The following PRR5 variants were observed in gnomAD, a reference collection of about 807,000 sequenced individuals.
PRR5 encodes the protein proline rich 5.
PRR5 carries 25 observed loss-of-function variants against 30.6 expected under a neutral mutation model. That is an observed-to-expected ratio of 0.82 (90% confidence interval 0.60 to 1.14). The LOEUF is 1.14. Among genes scored for constraint, PRR5 ranks in the 50% most tolerant of loss-of-function variants. The probability of loss-of-function intolerance (pLI) is 0.00; values close to 1 mark genes in which losing one functional copy is unlikely to be tolerated. For missense variants in PRR5, 600 were observed against 547.1 expected (o/e 1.10, Z -0.96); for synonymous variants, 286 against 247.1 (o/e 1.16, Z -1.48).
At chr22:44,675,759 G>GCTGTTA (rs1923708247), upstream of PRR5, among the ~76,000 whole-genome samples, 1 of 89,774 alleles carries the variant, frequency 1.1e-5, no homozygotes, top group Admixed American at 1.4e-4. Context: ...TACTGTTGCT[G>GCTGTTA]TTGTTATTAT....
chr22:44,669,638 AG>A (rs1923309646), intron 1 of PRR5, among the ~76,000 whole-genome samples: 1 of 152,218 alleles, frequency 6.6e-6, no homozygotes, highest in Admixed American at 6.5e-5. Flanking sequence ...ACCAGAGCCA[AG>A]GTAGAAGGCT....
At chr22:44,683,782 A>G (rs541827892) in intron 1 of PRR5, among the ~76,000 whole-genome samples, 2 of 152,218 alleles carry the variant, frequency 1.3e-5, no homozygotes, top group South Asian at 4.1e-4. Flanking sequence ...GCTACATCCT[A>G]AGCCTCAGTC....
rs557138882 is a variant in PRR5 at position 44,702,237 on chromosome 22, G to T, written c.-238G>T. 4 of 1,120,842 alleles carry T rather than the reference G, an allele frequency of 3.6e-6. No homozygotes were observed. The East Asian group carries it at 1.9e-4, about 53-fold the overall frequency. The allele number at this position is 1,120,842 out of a possible 1,614,324, so 69.4% of individuals were successfully genotyped here. A position where few individuals can be genotyped will look rare whatever the true frequency, so the allele number is the denominator to read the frequency against. ...TTTGCGCCGGGTCTGTGCTGGCCGCGCGCCTGGCGCTCCACGCTGAGCCTC... is the reference window on the plus strand; with the variant it reads ...TTTGCGCCGGGTCTGTGCTGGCCGCTCGCCTGGCGCTCCACGCTGAGCCTC... On this transcript the variant is annotated 5_prime_UTR_variant, in exon 1 of 8. Coordinates refer to ENST00000336985, the MANE Select transcript of PRR5 (RefSeq NM_181333.4).
chr22:44,674,727 GA>G (rs1013254680), upstream of PRR5, among the ~76,000 whole-genome samples: 4 of 147,222 alleles, frequency 2.7e-5, no homozygotes, highest in East Asian at 2.0e-4. Context: ...TAAAAAAAAA[GA>G]AAAAAAAATA....
upstream of PRR5, among the ~76,000 whole-genome samples, chr22:44,672,215 A>G (rs372449623): frequency 4.6e-4 from 70 of 152,262 alleles, no homozygotes; most frequent in African/African-American, 1.6e-3. Context: ...AGAGAGATGG[A>G]GTTTGCTGTT....
At chr22:44,692,943 C>T (rs890526966) in intron 1 of PRR5, among the ~76,000 whole-genome samples, 2 of 152,124 alleles carry the variant, frequency 1.3e-5, no homozygotes, top group African/African-American at 2.4e-5. Flanking sequence ...CTCCTCCTGG[C>T]CCCAGGAGTT....
At chr22:44,676,755 G>A (rs978561373), upstream of PRR5, 1 of 152,390 alleles carries the variant, frequency 6.6e-6, no homozygotes, top group Non-Finnish European at 1.5e-5. Flanking sequence ...TGAGCTGTCT[G>A]GGCTCCTGAC....
chr22:44,714,020 A>G (rs1928671799), intron 1 of PRR5, among the ~76,000 whole-genome samples: 1 of 151,228 alleles, frequency 6.6e-6, no homozygotes. Context: ...CGCCAGGATG[A>G]TCTCGATCTC....
intron 1 of PRR5, among the ~76,000 whole-genome samples, chr22:44,692,782 C>G (rs1198845631): frequency 6.6e-6 from 1 of 152,244 alleles, no homozygotes; most frequent in Non-Finnish European, 1.5e-5. Context: ...GAGCCTCAGT[C>G]TGCAGGTCTG....
chr22:44,696,737 T>C (rs559747180), intron 1 of PRR5, among the ~76,000 whole-genome samples: 1 of 151,638 alleles, frequency 6.6e-6, no homozygotes, highest in African/African-American at 2.4e-5. Flanking sequence ...ATTTATTTAT[T>C]TATTTATTTA....
chr22:44,709,407 G>A (rs1944788239), intron 1 of PRR5, among the ~76,000 whole-genome samples: 1 of 152,144 alleles, frequency 6.6e-6, no homozygotes, highest in Non-Finnish European at 1.5e-5. Flanking sequence ...GTGTCACGCT[G>A]CTGGCTGTGA....
At chr22:44,726,005 G>A (rs181958586) in intron 3 of PRR5, among the ~76,000 whole-genome samples, 76 of 152,274 alleles carry the variant, frequency 5.0e-4, no homozygotes, top group African/African-American at 1.7e-3. Flanking sequence ...CACGGCCTGC[G>A]GACTTTTGTC....
intron 1 of PRR5, among the ~76,000 whole-genome samples, chr22:44,671,214 G>T (rs2146920407): frequency 6.6e-6 from 1 of 152,292 alleles, no homozygotes; most frequent in South Asian, 2.1e-4. Flanking sequence ...GGCCGCAGGG[G>T]GCCAGCGCTG....
At chr22:44,708,240 A>G (rs1034346218) in intron 1 of PRR5, among the ~76,000 whole-genome samples, 1 of 152,164 alleles carries the variant, frequency 6.6e-6, no homozygotes, top group Admixed American at 6.5e-5. Flanking sequence ...AACCAATGCC[A>G]GAGGAGGAAA....
chr22:44,697,395 C>T (rs905049035), upstream of PRR5, among the ~76,000 whole-genome samples: 16 of 152,224 alleles, frequency 1.1e-4, no homozygotes, highest in Admixed American at 2.0e-4. Flanking sequence ...TCACCCTTCT[C>T]GCCCATCTCA....
At chr22:44,707,200 T>C (rs1196202138) in intron 1 of PRR5, among the ~76,000 whole-genome samples, 1 of 152,334 alleles carries the variant, frequency 6.6e-6, no homozygotes, top group East Asian at 1.9e-4. Flanking sequence ...TGTGCCCCTA[T>C]GGGGCTTCCA....
intron 2 of PRR5, among the ~76,000 whole-genome samples, chr22:44,722,140 C>T (rs1056070974): frequency 1.3e-5 from 2 of 152,166 alleles, no homozygotes; most frequent in South Asian, 2.1e-4. Context: ...AATGCCACTG[C>T]GCTGATTTCA....
At chr22:44,718,584 C>G (rs1304494298) in intron 2 of PRR5, among the ~76,000 whole-genome samples, 3 of 152,148 alleles carry the variant, frequency 2.0e-5, no homozygotes, top group African/African-American at 7.2e-5. Flanking sequence ...TCTTTCCTTT[C>G]CCACAGTGGC....
At chr22:44,719,425 TG>T (rs1266484682) in intron 2 of PRR5, among the ~76,000 whole-genome samples, 2 of 152,226 alleles carry the variant, frequency 1.3e-5, no homozygotes, top group Non-Finnish European at 2.9e-5. Flanking sequence ...TCCAGAGGGC[TG>T]CGGATTTAAG....
Sources: gnomAD v4.1 joint callset for allele counts (sites outside exome capture counted in the v4.1 genomes callset) on GRCh38, gnomAD v4.1.1 for gene constraint, MANE v1.5 for transcripts, NCBI Gene and HGNC (gene_info 2026-07-23, HGNC 2026-07-21) for gene names.